The following SPATA31E1 variants were observed in gnomAD, a reference collection of about 807,000 sequenced individuals.
SPATA31E1 encodes SPATA31 subfamily E member 1.
Under a neutral mutation model 12.9 loss-of-function variants are expected in SPATA31E1, and 7 were observed. The ratio of observed to expected loss-of-function variants is 0.54; its 90% CI spans 0.31 to 1.02. SPATA31E1 has a LOEUF of 1.02. Among genes scored for constraint, SPATA31E1 ranks in the 50% least tolerant of loss-of-function variants. The probability of loss-of-function intolerance (pLI) is 0.05; values close to 1 mark genes in which losing one functional copy is unlikely to be tolerated. For synonymous variants in SPATA31E1, 771 were observed against 719.0 expected, an observed-to-expected ratio of 1.07 and a Z score of -1.16; for missense variants, 1,961 against 1,799.8, an observed-to-expected ratio of 1.09 and a Z score of -1.62.
chr9:87,888,634 C>G lies in SPATA31E1; in HGVS notation c.4147C>G (p.Pro1383Ala), dbSNP rs1282568078. ...RALACSPKATPKGHHCPVKNR... is the reference protein window; with the variant it reads ...RALACSPKATAKGHHCPVKNR... ...TCTGGCCTGCAGCCCTAAAGCCACC[C>G]CCAAGGGCCACCACTGTCCTGTCAA... is the stretch of plus-strand genomic sequence containing the variant. Residue 1383 changes from proline (P) to alanine (A), a missense_variant, in exon 4 of 4, where the codon CCC (proline) becomes GCC (alanine). Transcript: ENST00000325643. 6.2e-7 allele frequency: 1 copy of G among 1,613,968 alleles called. No individual in the cohort carries two copies. Among genetic ancestry groups the G allele is most frequent in the Non-Finnish European group, 8.5e-7 (1 of 1,180,040 alleles).
chr9:87,883,920 C>A (rs922110102), intron 1 of SPATA31E1, 72 bp from the exon 2 acceptor site: 2 of 1,526,310 alleles, frequency 1.3e-6, no homozygotes, highest in Admixed American at 1.9e-5. Context: ...ATGAGCACTG[C>A]GTGTGTGCAG....
In SPATA31E1 at chr9:87,887,115, C is replaced by T. The variant is rs766564727; in HGVS notation, c.2628C>T (p.Thr876=). 4.3e-6 allele frequency: 7 copies of T among 1,613,994 alleles called. No individual in the cohort carries two copies. Among genetic ancestry groups the T allele is most frequent in the Middle Eastern group, 1.6e-4 (1 of 6,084 alleles). Residue 876 remains threonine, a synonymous_variant, in exon 4 of 4, where the codon ACC becomes ACT. Coordinates refer to ENST00000325643, the MANE Select transcript of SPATA31E1 (RefSeq NM_178828.5). ...QAPPFPQSTF[T]PWASWVSRVE... is the part of the protein sequence containing the mutation. Reference sequence around the variant, plus strand: ...CGCCCTTCCCACAATCCACCTTTACCCCCTGGGCCTCCTGGGTATCTCGGG... The same window carrying T: ...CGCCCTTCCCACAATCCACCTTTACTCCCTGGGCCTCCTGGGTATCTCGGG...
chr9:87,886,382 G>A lies in SPATA31E1; in HGVS notation c.1895G>A (p.Arg632Lys). ...PELPEHWWQG[R>K]NAIHQEQSCG... Reference sequence around the variant, plus strand: ...CTCCCAGAGCACTGGTGGCAAGGAAGGAATGCCATCCACCAGGAGCAGTCC... The same window carrying A: ...CTCCCAGAGCACTGGTGGCAAGGAAAGAATGCCATCCACCAGGAGCAGTCC... Residue 632 changes from arginine (R) to lysine (K), a missense_variant, in exon 4 of 4, where the codon AGG becomes AAG. Coordinates refer to ENST00000325643, the MANE Select transcript of SPATA31E1 (RefSeq NM_178828.5). The A allele has an allele frequency of 6.2e-7, 1 of 1,613,530 alleles. No individual in the cohort carries two copies. Among genetic ancestry groups the A allele is most frequent in the Non-Finnish European group, 8.5e-7 (1 of 1,179,708 alleles).
rs1828288367 is a variant in SPATA31E1 at position 87,886,926 on chromosome 9, T to C, written c.2439T>C (p.Gly813=). ...CTGGGAAGCTGGCATCCTGGAGGGG[T>C]GGGAAAGCCCACGTGAACACCTCCC... The part of the protein sequence containing the change: ...RKPGKLASWR[G]GKAHVNTSQE... The change falls in exon 4 of 4, where the codon GGT becomes GGC. Residue 813 remains glycine (G), a synonymous_variant. Transcript: ENST00000325643. 1.9e-5 allele frequency: 30 copies of C among 1,613,782 alleles called. No individual in the cohort carries two copies. The highest frequency in any genetic ancestry group is 2.5e-5 in the Non-Finnish European group (29 of 1,179,982).
rs1399550187 is a variant in SPATA31E1, at chr9:87,883,133, T to C, written c.242T>C (p.Leu81Pro). The stretch of plus-strand genomic sequence containing the variant: ...GTGTGTGGCCTAGTGCTCCTCTTCC[T>C]ATTGCTCCTCTACGTCCACAGTGAC... ...TSVCGLVLLF[L>P]LLLYVHSDPP... is the part of the protein sequence containing the mutation. The change falls in exon 1 of 4, where the codon CTA (leucine) becomes CCA (proline). Residue 81 changes from leucine to proline, a missense_variant. By Grantham distance (98) the Leu-to-Pro change is moderately conservative (BLOSUM62 -3). Transcript: ENST00000325643. The C allele has an allele frequency of 6.2e-7, 1 of 1,600,516 alleles. No individual in the cohort carries two copies. Among genetic ancestry groups the C allele is most frequent in the Non-Finnish European group, 8.5e-7 (1 of 1,172,948 alleles).
In SPATA31E1 at chr9:87,888,239, A is replaced by G. The variant is rs777039453; in HGVS notation, c.3752A>G (p.Gln1251Arg). The change falls in exon 4 of 4, where the codon CAG becomes CGG. Residue 1251 changes from glutamine (Q) to arginine (R), a missense_variant. Physicochemically the swap from Gln to Arg is conservative, Grantham distance 43. Coordinates refer to ENST00000325643, the MANE Select transcript of SPATA31E1 (RefSeq NM_178828.5). ...CAAGAAAGGAAATACAACCAGCTTC[A>G]GCTGGAGAAGGGACAGACACCACCA... Reference protein sequence around the residue: ...DKQERKYNQLQLEKGQTPPES... With the variant: ...DKQERKYNQLRLEKGQTPPES... 2.1e-5 allele frequency: 34 copies of G among 1,613,998 alleles called. No homozygotes were observed. The highest frequency in any genetic ancestry group is 1.7e-6 in the Non-Finnish European group (2 of 1,180,038).
chr9:87,883,130 TCCTATTGCTCCTCTA>T lies in SPATA31E1; in HGVS notation c.241_255del (p.Leu81_Tyr85del). On this transcript the variant is annotated inframe_deletion, in exon 1 of 4. Coordinates refer to ENST00000325643, the MANE Select transcript of SPATA31E1 (RefSeq NM_178828.5). ...AGTGTGTGTGGCCTAGTGCTCCTCT[TCCTATTGCTCCTCTA>T]CGTCCACAGTGACCCACCCTCACCC... 6.2e-7 allele frequency: 1 copy of T among 1,600,398 alleles called. No individual in the cohort carries two copies. The highest frequency in any genetic ancestry group is 8.5e-7 in the Non-Finnish European group (1 of 1,172,880).
At chr9:87,884,763 G>A (rs775945960) in intron 3 of SPATA31E1, 112 bp downstream of exon 3, 12 of 1,506,076 alleles carry the variant, frequency 8.0e-6, no homozygotes, top group Admixed American at 3.6e-5. Flanking sequence ...GGGACAGGAG[G>A]GGACTGAAGC....
rs554519938 is a variant in SPATA31E1 at position 87,883,288 on chromosome 9, C to G, written c.309+88C>G. 130 of 1,392,034 alleles carry G rather than the reference C, an allele frequency of 9.3e-5. No homozygotes were observed. The African/African-American group carries it at 1.8e-3, about 20-fold the overall frequency. The allele number at this position is 1,392,034 out of a possible 1,614,324, so 86.2% of individuals were successfully genotyped here. A position where few individuals can be genotyped will look rare whatever the true frequency, so the allele number is the denominator to read the frequency against. On this transcript the variant is annotated intron_variant, in intron 1 of 3. Transcript: ENST00000325643. ...CCACTTTTCCTAAGCAATGTGAGACCCTTCTGTGATGGGAAATCTCGTCAT... is the reference window on the plus strand; with the variant it reads ...CCACTTTTCCTAAGCAATGTGAGACGCTTCTGTGATGGGAAATCTCGTCAT...
chr9:87,884,115 T>C lies in SPATA31E1; in HGVS notation c.364+69T>C. 8 of 1,534,234 alleles carry C rather than the reference T, an allele frequency of 5.2e-6. No individual in the cohort carries two copies. In the South Asian group the frequency reaches 6.0e-5, roughly 11 times the overall value. ...CTTTGCCTGTCCCTGAGGAAGTCAT[T>C]TGCAGAGGCCTGAGAGGGAAGCTCC... is the stretch of plus-strand genomic sequence containing the variant. On this transcript the variant is annotated intron_variant, in intron 2 of 3. Transcript: ENST00000325643.
chr9:87,887,238 T>C lies in SPATA31E1; in HGVS notation c.2751T>C (p.Ser917=), dbSNP rs149444863. The part of the protein sequence containing the change: ...RTTSKSVPTV[S]GPLAAPPPEQ... ...CAAGCAAGTCAGTCCCGACCGTGAGTGGCCCTCTCGCTGCCCCACCGCCTG... is the reference window on the plus strand; with the variant it reads ...CAAGCAAGTCAGTCCCGACCGTGAGCGGCCCTCTCGCTGCCCCACCGCCTG... Residue 917 remains serine (S), a synonymous_variant, in exon 4 of 4, where the codon AGT becomes AGC. Transcript: ENST00000325643. 123 of 1,613,766 alleles carry C rather than the reference T, an allele frequency of 7.6e-5. No individual in the cohort carries two copies. Among genetic ancestry groups the C allele is most frequent in the Non-Finnish European group, 9.5e-5 (112 of 1,179,982 alleles).
Position 87,882,880 on chromosome 9 carries a change from T to G in SPATA31E1, c.-12T>G. On this transcript the variant is annotated 5_prime_UTR_variant, in exon 1 of 4. Coordinates refer to ENST00000325643, the MANE Select transcript of SPATA31E1 (RefSeq NM_178828.5). ...CCAAAGGGGATGCCCAGAGCTCAGTTGCTTGAAGGCGATGGGAAATCTCGT... is the reference window on the plus strand; with the variant it reads ...CCAAAGGGGATGCCCAGAGCTCAGTGGCTTGAAGGCGATGGGAAATCTCGT... 6.2e-7 allele frequency: 1 copy of G among 1,607,804 alleles called. No homozygotes were observed. Among genetic ancestry groups the G allele is most frequent in the Non-Finnish European group, 8.5e-7 (1 of 1,176,146 alleles).
In SPATA31E1 at chr9:87,888,587, A is replaced by C; in HGVS notation, c.4100A>C (p.Glu1367Ala). Residue 1367 changes from glutamate (E) to alanine (A), a missense_variant, in exon 4 of 4, where the codon GAA (glutamate) becomes GCA (alanine). By Grantham distance (107) the Glu-to-Ala change is moderately radical. Transcript: ENST00000325643. ...SCCHRGHCHQERSREMRALAC... is the reference protein window; with the variant it reads ...SCCHRGHCHQARSREMRALAC... ...TGCCACAGGGGTCACTGCCACCAAGAACGTAGCAGAGAGATGAGAGCTCTG... is the reference window on the plus strand; with the variant it reads ...TGCCACAGGGGTCACTGCCACCAAGCACGTAGCAGAGAGATGAGAGCTCTG... 1 of 1,614,108 alleles carries C rather than the reference A, an allele frequency of 6.2e-7. No individual in the cohort carries two copies. The highest frequency in any genetic ancestry group is 8.5e-7 in the Non-Finnish European group (1 of 1,179,994).
At position 87,885,342 on chromosome 9, in the gene SPATA31E1, G is replaced by T; in HGVS notation, c.855G>T (p.Val285=). The change falls in exon 4 of 4, where the codon GTG becomes GTT. Residue 285 remains valine, a synonymous_variant. Coordinates refer to ENST00000325643, the MANE Select transcript of SPATA31E1 (RefSeq NM_178828.5). ...AGAGCTCCCCTCTACACAACCAGGT[G>T]CTGCCTCCTCCAACCAGGGTGATCT... ...VPQSSPLHNQ[V]LPPPTRVISG... 6.2e-7 allele frequency: 1 copy of T among 1,613,894 alleles called. No individual in the cohort carries two copies. The highest frequency in any genetic ancestry group is 8.5e-7 in the Non-Finnish European group (1 of 1,179,888).
rs1564126866 is a variant in SPATA31E1 at position 87,882,945 on chromosome 9, T to C, written c.54T>C (p.Ser18=). 3.7e-6 allele frequency: 6 copies of C among 1,612,318 alleles called. No individual in the cohort carries two copies. Among genetic ancestry groups the C allele is most frequent in the South Asian group, 3.3e-5 (3 of 90,974 alleles). ...AGGGCAGGGCAGGCAGGGTTGAGAG[T>C]GGGCAGAGGATTCCACCCCCAGCTC... ...LGKGRAGRVE[S]GQRIPPPAPR... Residue 18 remains serine (S), a synonymous_variant, in exon 1 of 4, where the codon AGT becomes AGC. Coordinates refer to ENST00000325643, the MANE Select transcript of SPATA31E1 (RefSeq NM_178828.5).
chr9:87,887,518 C>G lies in SPATA31E1; in HGVS notation c.3031C>G (p.Pro1011Ala), dbSNP rs1269833439. The G allele has an allele frequency of 3.7e-6, 6 of 1,613,874 alleles. No individual in the cohort carries two copies. Among genetic ancestry groups the G allele is most frequent in the Non-Finnish European group, 5.1e-6 (6 of 1,180,024 alleles). The change falls in exon 4 of 4, where the codon CCC becomes GCC. Residue 1011 changes from proline (P) to alanine (A), a missense_variant. Pro to Ala is a conservative substitution (Grantham distance 27, BLOSUM62 -1). Coordinates refer to ENST00000325643, the MANE Select transcript of SPATA31E1 (RefSeq NM_178828.5). ...LESESMSPGD[P>A]CSSRALQVLS... is the part of the protein sequence containing the mutation. Reference sequence around the variant, plus strand: ...GAGTGAGAGCATGTCCCCAGGAGACCCCTGTAGTAGCAGAGCCCTGCAAGT... The same window carrying G: ...GAGTGAGAGCATGTCCCCAGGAGACGCCTGTAGTAGCAGAGCCCTGCAAGT...
chr9:87,888,113 G>A lies in SPATA31E1; in HGVS notation c.3626G>A (p.Arg1209Lys). Residue 1209 changes from arginine (R) to lysine (K), a missense_variant, in exon 4 of 4, where the codon AGG (arginine) becomes AAG (lysine). Arg to Lys is a conservative substitution (Grantham distance 26). Transcript: ENST00000325643. ...GCGGACAAGGGCGAGGCCCACAGGA[G>A]GCCCAGAACAGGGGAGCAGGGACAC... ...GCADKGEAHRRPRTGEQGHRS... is the reference protein window; with the variant it reads ...GCADKGEAHRKPRTGEQGHRS... 1 of 1,605,400 alleles carries A rather than the reference G, an allele frequency of 6.2e-7. No individual in the cohort carries two copies. Among genetic ancestry groups the A allele is most frequent in the Non-Finnish European group, 8.5e-7 (1 of 1,175,778 alleles).
In SPATA31E1 at chr9:87,887,984, G is replaced by A. The variant is rs1587571494; in HGVS notation, c.3497G>A (p.Gly1166Glu). Reference protein sequence around the residue: ...VSGKNMTASQGPCALLWKGGD... With the variant: ...VSGKNMTASQEPCALLWKGGD... Reference sequence around the variant, plus strand: ...GGTAAGAACATGACAGCTTCCCAGGGGCCATGTGCCCTCCTATGGAAGGGA... The same window carrying A: ...GGTAAGAACATGACAGCTTCCCAGGAGCCATGTGCCCTCCTATGGAAGGGA... Residue 1166 changes from glycine to glutamate, a missense_variant, in exon 4 of 4, where the codon GGG becomes GAG. Gly to Glu is a moderately conservative substitution (Grantham distance 98). Transcript: ENST00000325643. 2 of 1,613,732 alleles carry A rather than the reference G, an allele frequency of 1.2e-6. No homozygotes were observed. Among genetic ancestry groups the A allele is most frequent in the Middle Eastern group, 3.3e-4 (2 of 6,060 alleles).
Position 87,888,712 on chromosome 9 carries a change from C to A in SPATA31E1, c.4225C>A (p.Pro1409Thr). Residue 1409 changes from proline (P) to threonine (T), a missense_variant, in exon 4 of 4, where the codon CCT (proline) becomes ACT (threonine). Coordinates refer to ENST00000325643, the MANE Select transcript of SPATA31E1 (RefSeq NM_178828.5). ...DSSWAPPPRE[P>T]VSPAGPHHHR... Reference sequence around the variant, plus strand: ...CAGTTGGGCCCCACCTCCCAGGGAGCCTGTGTCCCCAGCTGGTCCCCACCA... The same window carrying A: ...CAGTTGGGCCCCACCTCCCAGGGAGACTGTGTCCCCAGCTGGTCCCCACCA... 1 of 1,613,950 alleles carries A rather than the reference C, an allele frequency of 6.2e-7. No individual in the cohort carries two copies. The highest frequency in any genetic ancestry group is 8.5e-7 in the Non-Finnish European group (1 of 1,180,000).
Sources: gnomAD v4.1 joint callset for allele counts on GRCh38, gnomAD v4.1.1 for gene constraint, MANE v1.5 for transcripts, NCBI Gene and HGNC (gene_info 2026-07-23, HGNC 2026-07-21) for gene names.